PSMB2: variants seen among roughly 807,000 people sequenced by gnomAD.
PSMB2 encodes the protein proteasome subunit beta type-2.
PSMB2 carries 13 observed loss-of-function variants against 25.7 expected under a neutral mutation model. That is an observed-to-expected ratio of 0.51 (90% CI 0.33 to 0.80). PSMB2 has a LOEUF of 0.80. Among genes scored for constraint, PSMB2 ranks in the 30% least tolerant of loss-of-function variants. PSMB2 has a pLI of 0.02. For synonymous variants in PSMB2, 87 were observed against 96.2 expected (o/e 0.90, Z 0.56); for missense variants, 202 against 259.0 (o/e 0.78, Z 1.51).
intron 2 of PSMB2, 144 bp downstream of exon 2, chr1:35,636,166 G>T: frequency 1.0e-6 from 1 of 990,830 alleles, no homozygotes; most frequent in Non-Finnish European, 1.4e-6. Context: ...AGAAATCAAC[G>T]CTGCCAACAC....
At position 35,635,742 on chromosome 1, in the gene PSMB2, T is replaced by C. The variant is rs1403134579; in HGVS notation, c.214+568A>G. Reference sequence around the variant, plus strand: ...TACTCAGGAGGCTGAGACAGGAGAATCGCTTGAACCTGGGAGGCGGAGGTT... The same window carrying C: ...TACTCAGGAGGCTGAGACAGGAGAACCGCTTGAACCTGGGAGGCGGAGGTT... On this transcript the variant is annotated intron_variant, in intron 2 of 5. Coordinates refer to ENST00000373237, the MANE Select transcript of PSMB2 (RefSeq NM_002794.5). 2.1e-5 allele frequency among the ~76,000 whole-genome samples: 3 copies of C among 145,204 alleles called. No homozygotes were observed. The Admixed American group carries it at 2.2e-4, about 10-fold the overall frequency.
chr1:35,608,237 C>T (rs564691813), intron 4 of PSMB2, among the ~76,000 whole-genome samples: 2 of 152,028 alleles, frequency 1.3e-5, no homozygotes, highest in Admixed American at 6.6e-5. Context: ...TGGTGGCACA[C>T]GCCTGTAATC....
rs115469741 is a variant in PSMB2 at position 35,599,804 on chromosome 1, G to A, written c.*3463C>T. The A allele has an allele frequency of 3.3e-4, 329 of 985,014 alleles. No homozygotes were observed. The African/African-American group carries it at 4.8e-3, about 14-fold the overall frequency. 61.0% of individuals were successfully genotyped at this position (985,014 alleles called of 1,614,324 possible). A position where few individuals can be genotyped will look rare whatever the true frequency, so the allele number is the denominator to read the frequency against. ...GAGGCTGTTAAATAGTCTAAGAAAC[G>A]ATAGGGGGTGAACCAGAGTAATGGG... On this transcript the variant is annotated 3_prime_UTR_variant, in exon 6 of 6. Transcript: ENST00000373237.
intron 2 of PSMB2, among the ~76,000 whole-genome samples, chr1:35,633,977 G>C (rs1453819618): frequency 1.3e-5 from 2 of 152,232 alleles, no homozygotes; most frequent in Non-Finnish European, 2.9e-5. Flanking sequence ...GAACTGTGAG[G>C]TAAGTGGAAA....
intron 2 of PSMB2, among the ~76,000 whole-genome samples, chr1:35,633,957 C>T (rs1055138308): frequency 6.6e-6 from 1 of 152,204 alleles, no homozygotes; most frequent in Non-Finnish European, 1.5e-5. Flanking sequence ...CAGTGTATAA[C>T]GTTGTTATTG....
intron 3 of PSMB2, among the ~76,000 whole-genome samples, chr1:35,612,945 T>C (rs1650383543): frequency 6.6e-6 from 1 of 152,236 alleles, no homozygotes; most frequent in African/African-American, 2.4e-5. Context: ...AAATTTTAGA[T>C]GAAATAGGAT....
At chr1:35,617,466 T>A (rs925929847) in intron 3 of PSMB2, among the ~76,000 whole-genome samples, 2 of 152,172 alleles carry the variant, frequency 1.3e-5, no homozygotes, top group Non-Finnish European at 2.9e-5. Context: ...TCAACCAAAT[T>A]CCATGAGTTC....
intron 4 of PSMB2, 23 bp from the exon 5 acceptor site, chr1:35,605,305 A>T: frequency 1.2e-6 from 2 of 1,608,130 alleles, no homozygotes; most frequent in Non-Finnish European, 8.5e-7. Flanking sequence ...ACAGAGACCA[A>T]ATACTTCCGG....
intron 3 of PSMB2, among the ~76,000 whole-genome samples, chr1:35,626,826 C>T (rs979568594): frequency 6.6e-6 from 1 of 152,056 alleles, no homozygotes; most frequent in Non-Finnish European, 1.5e-5. Context: ...TGGATATGTT[C>T]CAGATCTGTG....
At chr1:35,616,701 C>T (rs1650499443) in intron 3 of PSMB2, among the ~76,000 whole-genome samples, 1 of 152,168 alleles carries the variant, frequency 6.6e-6, no homozygotes, top group African/African-American at 2.4e-5. Context: ...TTGCCAATCC[C>T]CAATTTTTCA....
intron 2 of PSMB2, among the ~76,000 whole-genome samples, chr1:35,635,937 T>C (rs1379959736): frequency 6.6e-6 from 1 of 152,156 alleles, no homozygotes; most frequent in Non-Finnish European, 1.5e-5. Context: ...CTGAATTTTG[T>C]CCACCAAAAA....
At chr1:35,610,949 A>G (rs1244755708) in intron 3 of PSMB2, among the ~76,000 whole-genome samples, 1 of 152,208 alleles carries the variant, frequency 6.6e-6, no homozygotes, top group Non-Finnish European at 1.5e-5. Context: ...ATAGAGAACC[A>G]TGACTGAGTC....
At position 35,601,752 on chromosome 1, in the gene PSMB2, T is replaced by C. The variant is rs75773915; in HGVS notation, c.*1515A>G. 4.3e-3 allele frequency: 4,223 copies of C among 985,422 alleles called. 137 individuals carry two copies. The African/African-American group carries it at 0.065, about 15-fold the overall frequency. 61.0% of individuals were successfully genotyped at this position (985,422 alleles called of 1,614,324 possible). A position where few individuals can be genotyped will look rare whatever the true frequency, so the allele number is the denominator to read the frequency against. ...AGTCGGAGACCAAATGGTTTTGATA[T>C]GTGGTTCCTAGACCAGCAGCATCAG... On this transcript the variant is annotated 3_prime_UTR_variant, in exon 6 of 6. Transcript: ENST00000373237.
At chr1:35,635,259 C>CAA (rs1285421213) in intron 2 of PSMB2, among the ~76,000 whole-genome samples, 1 of 136,418 alleles carries the variant, frequency 7.3e-6, no homozygotes, top group African/African-American at 2.7e-5. Context: ...AACTCCATCT[C>CAA]AAAAAAAAAA....
At chr1:35,625,949 G>A (rs2148572819) in intron 3 of PSMB2, among the ~76,000 whole-genome samples, 1 of 151,904 alleles carries the variant, frequency 6.6e-6, no homozygotes, top group Non-Finnish European at 1.5e-5. Context: ...CTATTCTCCT[G>A]CGTCAGCCTC....
intron 1 of PSMB2, among the ~76,000 whole-genome samples, chr1:35,638,953 T>C (rs1651319179): frequency 6.6e-6 from 1 of 152,124 alleles, no homozygotes; most frequent in Non-Finnish European, 1.5e-5. Flanking sequence ...AATGAATGAT[T>C]AGAAAAAAGT....
rs540228892 is a variant in PSMB2 at position 35,603,391 on chromosome 1, A to G, written c.499-17T>C. The G allele has an allele frequency of 1.9e-5, 30 of 1,613,588 alleles. No homozygotes were observed. In the Middle Eastern group the frequency reaches 8.2e-4, roughly 44 times the overall value. ...TTTCTGGAGCTGCAGAGAGACATGG[A>G]GGAAATCAGTCAACAAATGATTACT... On this transcript the variant is annotated splice_polypyrimidine_tract_variant and intron_variant, in intron 5 of 5. Transcript: ENST00000373237.
chr1:35,601,912 C>T lies in PSMB2; in HGVS notation c.*1355G>A. On this transcript the variant is annotated 3_prime_UTR_variant, in exon 6 of 6. Transcript: ENST00000373237. The stretch of plus-strand genomic sequence containing the variant: ...AAGAGTAAAACGAGTAACTGGTTAA[C>T]TGCCCATGATACATCAATTTAATGG... 1.0e-6 allele frequency: 1 copy of T among 985,350 alleles called. No homozygotes were observed. Among genetic ancestry groups the T allele is most frequent in the Non-Finnish European group, 1.2e-6 (1 of 829,832 alleles). The allele number at this position is 985,350 out of a possible 1,614,324, so 61.0% of individuals were successfully genotyped here.
chr1:35,605,092 TG>T, intron 5 of PSMB2, 140 bp downstream of exon 5: 2 of 713,778 alleles, frequency 2.8e-6, no homozygotes, highest in Non-Finnish European at 2.4e-6. Flanking sequence ...ACTCTATCCC[TG>T]GTAGCAACTT....
Sources: allele counts gnomAD v4.1 joint callset (sites outside exome capture counted in the v4.1 genomes callset), GRCh38; gene constraint gnomAD v4.1.1; transcripts MANE v1.5; gene names NCBI Gene and HGNC (gene_info 2026-07-23, HGNC 2026-07-21).